Variants in FBXL17 observed in about 807,000 individuals in gnomAD.
FBXL17 encodes the protein F-box and leucine rich repeat protein 17, also known as F-box/LRR-repeat protein 17.
In FBXL17, 22 loss-of-function variants were observed where a neutral mutation model predicts 66.2. That is an observed-to-expected ratio of 0.33 (90% confidence interval 0.24 to 0.47). FBXL17 has a LOEUF of 0.47. Ranked by LOEUF, FBXL17 falls within the 20% of genes least tolerant of loss-of-function variation. The pLI, the probability that FBXL17 is intolerant of heterozygous loss-of-function variation, is 1.00. For missense variants in FBXL17, 878 were observed against 948.2 expected (o/e 0.93, Z 0.97); for synonymous variants, 474 against 400.5 (o/e 1.18, Z -2.19).
At chr5:108,002,762 C>T (rs1753785365) in intron 7 of FBXL17, among the ~76,000 whole-genome samples, 1 of 152,166 alleles carries the variant, frequency 6.6e-6, no homozygotes, top group Non-Finnish European at 1.5e-5. Flanking sequence ...ATACATGCCA[C>T]AACATAGATG....
At chr5:107,936,128 G>A (rs533229675) in intron 7 of FBXL17, among the ~76,000 whole-genome samples, 10 of 147,186 alleles carry the variant, frequency 6.8e-5, no homozygotes, top group Non-Finnish European at 1.2e-4. Flanking sequence ...TAGGAGTATG[G>A]TATCCATTTT....
chr5:107,945,138 G>A (rs1477306113), intron 7 of FBXL17, among the ~76,000 whole-genome samples: 1 of 152,042 alleles, frequency 6.6e-6, no homozygotes, highest in Admixed American at 6.6e-5. Flanking sequence ...GAAACTTGAA[G>A]ATTCAATACA....
intron 7 of FBXL17, among the ~76,000 whole-genome samples, chr5:107,935,126 T>C (rs1580726420): frequency 1.3e-5 from 2 of 152,232 alleles, no homozygotes; most frequent in East Asian, 1.9e-4. Context: ...TCATATTTTA[T>C]GTATTAAATG....
chr5:108,005,977 G>A (rs1254484983), intron 7 of FBXL17, among the ~76,000 whole-genome samples: 1 of 152,212 alleles, frequency 6.6e-6, no homozygotes, highest in African/African-American at 2.4e-5. Flanking sequence ...ACTACCACAA[G>A]GTCTCCTACA....
At chr5:108,355,069 A>C (rs138163710) in intron 3 of FBXL17, among the ~76,000 whole-genome samples, 1 of 152,204 alleles carries the variant, frequency 6.6e-6, no homozygotes, top group Non-Finnish European at 1.5e-5. Flanking sequence ...AACTTGGATC[A>C]ATACAAAGAA....
intron 7 of FBXL17, among the ~76,000 whole-genome samples, chr5:107,884,502 T>A (rs1256934030): frequency 3.3e-5 from 5 of 152,314 alleles, no homozygotes; most frequent in Admixed American, 6.5e-5. Flanking sequence ...GGATTTCTCT[T>A]TACCACTCAG....
chr5:107,873,002 T>C (rs904280164), intron 8 of FBXL17, among the ~76,000 whole-genome samples: 2 of 152,038 alleles, frequency 1.3e-5, no homozygotes, highest in African/African-American at 4.8e-5. Context: ...GGCCACAACA[T>C]TTGGTGACAC....
intron 7 of FBXL17, among the ~76,000 whole-genome samples, chr5:107,931,947 G>T (rs1200092075): frequency 3.3e-5 from 5 of 152,142 alleles, no homozygotes; most frequent in African/African-American, 1.2e-4. Flanking sequence ...TTAATCACTG[G>T]TTTATATAAT....
intron 6 of FBXL17, among the ~76,000 whole-genome samples, chr5:108,058,414 CTT>C: frequency 3.4e-5 from 1 of 29,018 alleles, no homozygotes; most frequent in East Asian, 9.9e-4. Flanking sequence ...CTTTCTTTCT[CTT>C]TCTTTCTTCT....
chr5:108,006,398 G>C (rs1393203300), intron 7 of FBXL17, among the ~76,000 whole-genome samples: 1 of 152,172 alleles, frequency 6.6e-6, no homozygotes, highest in Non-Finnish European at 1.5e-5. Context: ...GCTTGCAAAT[G>C]GATGTGATGA....
chr5:107,942,886 C>A (rs117598417), intron 7 of FBXL17, among the ~76,000 whole-genome samples: 1 of 152,134 alleles, frequency 6.6e-6, no homozygotes, highest in East Asian at 1.9e-4. Context: ...ATTTTGGCAA[C>A]TGCTTCATCA....
Position 107,952,305 on chromosome 5 carries a change from A to T in FBXL17, c.1822+68620T>A, listed in dbSNP as rs141919190. ...AGAAACTGAATTTTTTTGTATCACTAATAGTCTTGAAATTAAAGTGGATGT... is the reference window on the plus strand; with the variant it reads ...AGAAACTGAATTTTTTTGTATCACTTATAGTCTTGAAATTAAAGTGGATGT... On this transcript the variant is annotated intron_variant, in intron 7 of 8. Transcript: ENST00000542267. Among the ~76,000 whole-genome samples, 345 of 152,308 alleles carry T rather than the reference A, an allele frequency of 2.3e-3. 1 individual carries two copies. The highest frequency in any genetic ancestry group is 7.7e-3 in the African/African-American group (320 of 41,590).
rs189001790 is a variant in FBXL17, at chr5:108,027,351, A to G, written c.1746-6350T>C. ...TGCAATAAACTTGGCTCTGGCTTTA[A>G]TATTTCAGATCTACTTAACCAAAAG... On this transcript the variant is annotated intron_variant, in intron 6 of 8. Transcript: ENST00000542267. Among the ~76,000 whole-genome samples the G allele has an allele frequency of 3.9e-5, 6 of 152,298 alleles. No individual in the cohort carries two copies. The East Asian group carries it at 1.2e-3, about 29-fold the overall frequency.
chr5:108,307,733 TGA>T (rs976329941), intron 4 of FBXL17, among the ~76,000 whole-genome samples: 15 of 152,266 alleles, frequency 9.9e-5, no homozygotes, highest in African/African-American at 3.1e-4. Flanking sequence ...TTCTTTTGTA[TGA>T]GAGAGCCTGT....
intron 6 of FBXL17, among the ~76,000 whole-genome samples, chr5:108,071,426 G>C (rs980079072): frequency 6.6e-6 from 1 of 152,158 alleles, no homozygotes; most frequent in Non-Finnish European, 1.5e-5. Context: ...AAAAATTCAT[G>C]TCATGATTGT....
intron 4 of FBXL17, among the ~76,000 whole-genome samples, chr5:108,252,174 C>A (rs1363467518): frequency 6.6e-6 from 1 of 152,026 alleles, no homozygotes; most frequent in Non-Finnish European, 1.5e-5. Flanking sequence ...TTTTCATAAG[C>A]ACTTTGGAGA....
chr5:108,237,112 T>C (rs1755641518), intron 4 of FBXL17, among the ~76,000 whole-genome samples: 1 of 152,192 alleles, frequency 6.6e-6, no homozygotes, highest in African/African-American at 2.4e-5. Context: ...GCTACCCTAG[T>C]CCACTGAGTC....
At chr5:108,356,175 C>CA (rs1747974061) in intron 3 of FBXL17, among the ~76,000 whole-genome samples, 2 of 151,740 alleles carry the variant, frequency 1.3e-5, no homozygotes, top group South Asian at 4.2e-4. Flanking sequence ...GTCAACACTC[C>CA]AAAAAAACCT....
At chr5:108,080,577 T>G (rs1460330059) in intron 6 of FBXL17, among the ~76,000 whole-genome samples, 1 of 152,222 alleles carries the variant, frequency 6.6e-6, no homozygotes, top group Non-Finnish European at 1.5e-5. Context: ...CGTGAAAACA[T>G]GTGCCCAAGG....
Sources: allele counts gnomAD v4.1 joint callset (sites outside exome capture counted in the v4.1 genomes callset), GRCh38; gene constraint gnomAD v4.1.1; transcripts MANE v1.5; gene names NCBI Gene and HGNC (gene_info 2026-07-23, HGNC 2026-07-21).